CMTM8: variants seen among roughly 807,000 people sequenced by gnomAD.
CMTM8 encodes CKLF-like MARVEL transmembrane domain-containing protein 8.
CMTM8 carries 12 observed loss-of-function variants against 18.6 expected under a neutral mutation model. The ratio of observed to expected loss-of-function variants is 0.65; its 90% CI spans 0.41 to 1.05. The LOEUF (loss-of-function observed/expected upper bound fraction) is 1.05. Among genes scored for constraint, CMTM8 ranks in the 50% least tolerant of loss-of-function variants. The probability of loss-of-function intolerance (pLI) is 0.00; values close to 1 mark genes in which losing one functional copy is unlikely to be tolerated. For missense variants in CMTM8, 217 were observed against 227.2 expected (o/e 0.95, Z 0.29); for synonymous variants, 87 against 90.6 (o/e 0.96, Z 0.23).
chr3:32,339,888 G>A (rs1575183793), intron 1 of CMTM8, among the ~76,000 whole-genome samples: 1 of 152,084 alleles, frequency 6.6e-6, no homozygotes, highest in Non-Finnish European at 1.5e-5. Context: ...GCGTGAACCC[G>A]GGAGGCAGAG....
At chr3:32,312,179 C>T (rs891293159) in intron 1 of CMTM8, among the ~76,000 whole-genome samples, 3 of 152,064 alleles carry the variant, frequency 2.0e-5, no homozygotes, top group Admixed American at 1.3e-4. Flanking sequence ...GCAAGCAACT[C>T]GGAGATGATT....
intron 1 of CMTM8, among the ~76,000 whole-genome samples, chr3:32,240,870 C>G (rs528848288): frequency 6.6e-6 from 1 of 152,200 alleles, no homozygotes; most frequent in Non-Finnish European, 1.5e-5. Context: ...TCACTGCCGC[C>G]TTGACCTCTT....
At chr3:32,264,866 A>G (rs1318913863) in intron 1 of CMTM8, among the ~76,000 whole-genome samples, 6 of 152,220 alleles carry the variant, frequency 3.9e-5, no homozygotes. Context: ...AGGCCATTAC[A>G]TAATGGTAAA....
intron 1 of CMTM8, among the ~76,000 whole-genome samples, chr3:32,257,373 A>ATT (rs1702187965): frequency 6.6e-6 from 1 of 152,186 alleles, no homozygotes; most frequent in Non-Finnish European, 1.5e-5. Context: ...TATTTTCTGC[A>ATT]TTGGTTCTTT....
intron 1 of CMTM8, chr3:32,260,313 G>A (rs184449177): frequency 2.0e-5 from 13 of 652,802 alleles, no homozygotes; most frequent in Non-Finnish European, 2.7e-5. Flanking sequence ...GTATTATCTC[G>A]CTAACAAAGC....
At chr3:32,295,482 A>AAAAAAAAAAAAAAG (rs1702862309) in intron 1 of CMTM8, among the ~76,000 whole-genome samples, 1 of 117,514 alleles carries the variant, frequency 8.5e-6, no homozygotes, top group African/African-American at 3.7e-5. Context: ...AAAAAAACAA[A>AAAAAAAAAAAAAAG]ACAAAACAGC....
rs149409003 is a variant in CMTM8, at chr3:32,334,336, G to A, written c.148-23037G>A. Among the ~76,000 whole-genome samples the A allele has an allele frequency of 0.015, 2,243 of 151,968 alleles. 111 individuals are homozygous for A. In the East Asian group the frequency reaches 0.19, roughly 13 times the overall value. ...AAAAATAGTCTATTGACCGAGCGTGGTGGCTCACGCCTGTAATCCCAGCAC... is the reference window on the plus strand; with the variant it reads ...AAAAATAGTCTATTGACCGAGCGTGATGGCTCACGCCTGTAATCCCAGCAC... On this transcript the variant is annotated intron_variant, in intron 1 of 3. Coordinates refer to ENST00000307526, the MANE Select transcript of CMTM8 (RefSeq NM_178868.5).
At chr3:32,332,646 C>T (rs1696303035) in intron 1 of CMTM8, among the ~76,000 whole-genome samples, 1 of 152,146 alleles carries the variant, frequency 6.6e-6, no homozygotes, top group Non-Finnish European at 1.5e-5. Context: ...CCGCCTCAAT[C>T]CTTCTTGAAT....
At chr3:32,275,889 A>G (rs902032303) in intron 1 of CMTM8, among the ~76,000 whole-genome samples, 1 of 151,948 alleles carries the variant, frequency 6.6e-6, no homozygotes, top group Admixed American at 6.6e-5. Flanking sequence ...GCCTCAAGTG[A>G]TCTGCCTGAC....
intron 1 of CMTM8, among the ~76,000 whole-genome samples, chr3:32,288,649 C>T (rs984985824): frequency 4.6e-4 from 70 of 152,180 alleles, no homozygotes; most frequent in Non-Finnish European, 8.4e-4. Flanking sequence ...TACAGGCGCC[C>T]ACCACCACGC....
intron 1 of CMTM8, among the ~76,000 whole-genome samples, chr3:32,311,389 A>G (rs544603956): frequency 6.6e-6 from 1 of 152,342 alleles, no homozygotes; most frequent in South Asian, 2.1e-4. Context: ...TATGGCTGCA[A>G]AGCTTAAAAT....
intron 1 of CMTM8, among the ~76,000 whole-genome samples, chr3:32,244,269 A>C (rs1701982847): frequency 6.6e-6 from 1 of 152,184 alleles, no homozygotes; most frequent in Non-Finnish European, 1.5e-5. Context: ...AGCTCACTGC[A>C]ACCTGGAACT....
At chr3:32,259,819 GC>G in intron 1 of CMTM8, 1 of 816,954 alleles carries the variant, frequency 1.2e-6, no homozygotes, top group Non-Finnish European at 2.1e-6. Flanking sequence ...CTGCTGAGAT[GC>G]CACTCACGGA....
At chr3:32,295,197 T>C (rs1702851491) in intron 1 of CMTM8, among the ~76,000 whole-genome samples, 1 of 152,078 alleles carries the variant, frequency 6.6e-6, no homozygotes, top group Admixed American at 6.6e-5. Context: ...AGCTCATGCC[T>C]GTAATCCCAG....
chr3:32,284,671 T>C (rs1353786022), intron 1 of CMTM8, among the ~76,000 whole-genome samples: 1 of 152,208 alleles, frequency 6.6e-6, no homozygotes, highest in East Asian at 1.9e-4. Context: ...CTGTGTCTGT[T>C]CATCTTTGTA....
chr3:32,262,069 C>A (rs970765252), intron 1 of CMTM8, among the ~76,000 whole-genome samples: 6 of 152,148 alleles, frequency 3.9e-5, no homozygotes, highest in African/African-American at 1.4e-4. Flanking sequence ...GGCCTGCCAT[C>A]AGAAGGAAGA....
chr3:32,250,336 G>A (rs1702096963), intron 1 of CMTM8, among the ~76,000 whole-genome samples: 1 of 152,084 alleles, frequency 6.6e-6, no homozygotes, highest in South Asian at 2.1e-4. Flanking sequence ...TTTTAAAGTT[G>A]TTTTGGCTAT....
intron 2 of CMTM8, 40 bp from the exon 3 acceptor site, chr3:32,367,832 C>T (rs773947614): frequency 1.4e-6 from 2 of 1,409,948 alleles, no homozygotes; most frequent in Non-Finnish European, 2.0e-6. Context: ...TATGCAGACC[C>T]TCCCCTCTCC....
Position 32,265,488 on chromosome 3 carries a change from A to G in CMTM8, c.147+26369A>G, listed in dbSNP as rs1226182352. Among the ~76,000 whole-genome samples, 389 of 152,334 alleles carry G rather than the reference A, an allele frequency of 2.6e-3. 2 individuals carry two copies. Among genetic ancestry groups the G allele is most frequent in the Middle Eastern group, 6.8e-3 (2 of 294 alleles). On this transcript the variant is annotated intron_variant, in intron 1 of 3. Transcript: ENST00000307526. ...GGGAAATTTATAGCACTAAATGCCC[A>G]CAAGAGAAAGCAGGAAAGATCTAAA...
Sources: allele counts gnomAD v4.1 joint callset (sites outside exome capture counted in the v4.1 genomes callset), GRCh38; gene constraint gnomAD v4.1.1; transcripts MANE v1.5; gene names NCBI Gene and HGNC (gene_info 2026-07-23, HGNC 2026-07-21).